Variants in GULP1 observed in about 807,000 individuals in gnomAD.
The protein encoded by GULP1 is GULP PTB domain containing engulfment adaptor 1, also known as PTB domain-containing engulfment adapter protein 1.
In GULP1, 19 loss-of-function variants were observed where a neutral mutation model predicts 40.9. The observed-to-expected ratio is 0.46, with a 90% CI of 0.32 to 0.68. The LOEUF is 0.68. Ranked by LOEUF, GULP1 falls within the 30% of genes least tolerant of loss-of-function variation. The pLI is 0.03. For missense variants in GULP1, 312 were observed against 362.2 expected (o/e 0.86, Z 1.12); for synonymous variants, 119 against 117.6 (o/e 1.01, Z -0.08).
chr2:188,397,811 G>C (rs1340614679), intron 2 of GULP1, among the ~76,000 whole-genome samples: 1 of 152,204 alleles, frequency 6.6e-6, no homozygotes, highest in African/African-American at 2.4e-5. Context: ...TTATGATATG[G>C]AAGCTGTCTT....
At chr2:188,308,115 T>A (rs1456537344) in intron 1 of GULP1, among the ~76,000 whole-genome samples, 1 of 97,606 alleles carries the variant, frequency 1.0e-5, no homozygotes, top group East Asian at 1.1e-3. Flanking sequence ...TTTAGGTCAT[T>A]TTTTTTTTTC....
intron 1 of GULP1, among the ~76,000 whole-genome samples, chr2:188,381,122 C>T (rs1039545834): frequency 2.0e-5 from 3 of 151,878 alleles, no homozygotes; most frequent in Non-Finnish European, 4.4e-5. Context: ...AAGAGCAGCC[C>T]CTAAGCCAGT....
At chr2:188,322,499 G>A (rs187843538) in intron 1 of GULP1, among the ~76,000 whole-genome samples, 23 of 152,144 alleles carry the variant, frequency 1.5e-4, no homozygotes, top group African/African-American at 5.1e-4. Context: ...AGTTTATAAC[G>A]TGGCTGGATA....
At chr2:188,359,719 A>T (rs2045844212) in intron 1 of GULP1, among the ~76,000 whole-genome samples, 1 of 152,110 alleles carries the variant, frequency 6.6e-6, no homozygotes, top group Admixed American at 6.6e-5. Context: ...AGGAGAAGGG[A>T]GGTGATAGGC....
Position 188,452,112 on chromosome 2 carries a change from A to G in GULP1, c.-44-25547A>G, listed in dbSNP as rs536373033. Among the ~76,000 whole-genome samples the G allele has an allele frequency of 3.6e-3, 546 of 152,338 alleles. 1 individual carries two copies. The highest frequency in any genetic ancestry group is 6.9e-3 in the Non-Finnish European group (469 of 68,032). On this transcript the variant is annotated intron_variant, in intron 2 of 11. Transcript: ENST00000409830. ...TGCAGACTTAGCTTTCTAAATTGAA[A>G]AAGGCAGGAACCAACCAGTCTTGTT...
At chr2:188,557,945 G>T (rs1559377248) in intron 7 of GULP1, among the ~76,000 whole-genome samples, 2 of 152,324 alleles carry the variant, frequency 1.3e-5, no homozygotes, top group Admixed American at 1.3e-4. Flanking sequence ...GCTGTTCAGG[G>T]CAGTGGGGCC....
At chr2:188,384,539 G>A (rs948435435) in intron 2 of GULP1, among the ~76,000 whole-genome samples, 1 of 152,088 alleles carries the variant, frequency 6.6e-6, no homozygotes, top group African/African-American at 2.4e-5. Flanking sequence ...CAAATCTCAT[G>A]TCCTCACATT....
intron 1 of GULP1, among the ~76,000 whole-genome samples, chr2:188,351,850 G>A (rs1383537139): frequency 6.6e-6 from 1 of 151,952 alleles, no homozygotes; most frequent in East Asian, 1.9e-4. Flanking sequence ...CATTTATTCA[G>A]TAAATATTTG....
At chr2:188,532,986 T>C (rs1407395393) in intron 6 of GULP1, among the ~76,000 whole-genome samples, 2 of 152,164 alleles carry the variant, frequency 1.3e-5, no homozygotes, top group African/African-American at 4.8e-5. Context: ...CAAGTTAGGC[T>C]ATCATATCTG....
At chr2:188,492,030 C>G (rs957624526) in intron 4 of GULP1, among the ~76,000 whole-genome samples, 47 of 151,876 alleles carry the variant, frequency 3.1e-4, no homozygotes, top group African/African-American at 1.1e-3. Context: ...TAAACGTAAA[C>G]ATAGACTCCA....
intron 7 of GULP1, among the ~76,000 whole-genome samples, chr2:188,556,453 T>C (rs1285019228): frequency 6.6e-6 from 1 of 152,106 alleles, no homozygotes; most frequent in Non-Finnish European, 1.5e-5. Flanking sequence ...GTTTTTCTGA[T>C]TTCTTTTTAT....
In GULP1 at chr2:188,389,782, G is replaced by T. The variant is rs182249049; in HGVS notation, c.-45+5893G>T. 2.0e-5 allele frequency among the ~76,000 whole-genome samples: 3 copies of T among 152,058 alleles called. No homozygotes were observed. In the East Asian group the frequency reaches 5.8e-4, roughly 29 times the overall value. Reference sequence around the variant, plus strand: ...CCCAGTTCCCACCCTCCCCATTCTGGATGTAGCTATCCAGAGTCTCCAAAG... The same window carrying T: ...CCCAGTTCCCACCCTCCCCATTCTGTATGTAGCTATCCAGAGTCTCCAAAG... On this transcript the variant is annotated intron_variant, in intron 2 of 11. Transcript: ENST00000409830.
intron 1 of GULP1, among the ~76,000 whole-genome samples, chr2:188,375,317 AAGACTGAATAAT>A (rs1238038328): frequency 1.3e-5 from 2 of 152,246 alleles, no homozygotes; most frequent in African/African-American, 4.8e-5. Context: ...GGGAAATTGG[AAGACTGAATAAT>A]AGCTCACTGA....
chr2:188,369,393 A>AG, intron 1 of GULP1, among the ~76,000 whole-genome samples: 1 of 149,240 alleles, frequency 6.7e-6, no homozygotes, highest in Non-Finnish European at 1.5e-5. Flanking sequence ...GATTGCAAGA[A>AG]AAAAAAAAAC....
chr2:188,569,238 G>C lies in GULP1; in HGVS notation c.400-1G>C. On this transcript the variant is annotated splice_acceptor_variant, in intron 7 of 11. Coordinates refer to ENST00000409830, the MANE Select transcript of GULP1 (RefSeq NM_016315.4). LOFTEE classifies it high-confidence loss of function. ...CAAATCTTTGTTTGATTTTTACACA[G>C]GCTGAAGAGATCACTTTAACAATTG... 6.9e-7 allele frequency: 1 copy of C among 1,440,016 alleles called. No homozygotes were observed. The highest frequency in any genetic ancestry group is 9.8e-7 in the Non-Finnish European group (1 of 1,021,016). 89.2% of individuals were successfully genotyped at this position (1,440,016 alleles called of 1,614,324 possible).
intron 2 of GULP1, among the ~76,000 whole-genome samples, chr2:188,438,556 T>A (rs1437379605): frequency 1.3e-5 from 2 of 151,578 alleles, no homozygotes; most frequent in Non-Finnish European, 2.9e-5. Context: ...ATTTTGTTTT[T>A]TTCTGTCATT....
At chr2:188,305,148 G>C (rs866077516) in intron 1 of GULP1, among the ~76,000 whole-genome samples, 6 of 152,120 alleles carry the variant, frequency 3.9e-5, no homozygotes, top group Non-Finnish European at 7.3e-5. Flanking sequence ...GCAGCTTACA[G>C]AACTCAAGGA....
chr2:188,431,750 C>T (rs986535598), intron 2 of GULP1, among the ~76,000 whole-genome samples: 3 of 152,012 alleles, frequency 2.0e-5, no homozygotes, highest in Non-Finnish European at 4.4e-5. Flanking sequence ...AGATATCCAT[C>T]TGCCTTAACT....
intron 2 of GULP1, among the ~76,000 whole-genome samples, chr2:188,388,907 C>G (rs2050152110): frequency 6.6e-6 from 1 of 152,130 alleles, no homozygotes; most frequent in South Asian, 2.1e-4. Flanking sequence ...CCTAGGTTTC[C>G]CCAAAAACAT....
Sources: allele counts gnomAD v4.1 joint callset (sites outside exome capture counted in the v4.1 genomes callset), GRCh38; gene constraint gnomAD v4.1.1; transcripts MANE v1.5; gene names NCBI Gene and HGNC (gene_info 2026-07-23, HGNC 2026-07-21).